Variants in SLC4A4 observed in about 807,000 individuals in gnomAD.
The protein encoded by SLC4A4 is electrogenic sodium bicarbonate cotransporter 1.
SLC4A4 carries 27 observed loss-of-function variants against 111.5 expected under a neutral mutation model. The observed-to-expected ratio is 0.24, with a 90% CI of 0.18 to 0.33. The LOEUF is 0.33. Among genes scored for constraint, SLC4A4 ranks in the 10% least tolerant of loss-of-function variants. SLC4A4 has a pLI of 1.00. For missense variants in SLC4A4, 909 were observed against 1,315.5 expected (o/e 0.69, Z 4.78); for synonymous variants, 443 against 463.4 (o/e 0.96, Z 0.57).
chr4:71,394,196 G>C (rs546671735), intron 6 of SLC4A4, among the ~76,000 whole-genome samples: 14 of 151,920 alleles, frequency 9.2e-5, no homozygotes, highest in Non-Finnish European at 1.9e-4. Flanking sequence ...CATAGCAAAA[G>C]AAACAGCAAA....
chr4:71,319,461 TGCTA>T (rs1726951290), intron 3 of SLC4A4, among the ~76,000 whole-genome samples: 1 of 152,056 alleles, frequency 6.6e-6, no homozygotes, highest in Non-Finnish European at 1.5e-5. Flanking sequence ...ATTTAAATAC[TGCTA>T]GTTAGTGCTC....
rs560899690 is a variant in SLC4A4, at chr4:71,233,292, T to G, written c.-1-3284T>G. On this transcript the variant is annotated intron_variant, in intron 1 of 25. Transcript: ENST00000264485. ...AAAGAGAACTACTGAATGCCTCCTC[T>G]GTGTCTGCTACTGTGTGTGGTATGT... is the stretch of plus-strand genomic sequence containing the variant. 21 of 985,388 alleles carry G rather than the reference T, an allele frequency of 2.1e-5. No homozygotes were observed. The African/African-American group carries it at 3.3e-4, about 16-fold the overall frequency. 61.0% of individuals were successfully genotyped at this position (985,388 alleles called of 1,614,324 possible). A position where few individuals can be genotyped will look rare whatever the true frequency, so the allele number is the denominator to read the frequency against.
At chr4:71,185,386 T>A (rs944511907), upstream of SLC4A4, among the ~76,000 whole-genome samples, 3 of 152,240 alleles carry the variant, frequency 2.0e-5, no homozygotes, top group African/African-American at 7.2e-5. Context: ...AAGTTAATTT[T>A]AACATTAGCC....
At chr4:71,345,036 C>T (rs1053335083) in intron 4 of SLC4A4, among the ~76,000 whole-genome samples, 2 of 152,134 alleles carry the variant, frequency 1.3e-5, no homozygotes, top group Non-Finnish European at 2.9e-5. Context: ...CTATCACCAT[C>T]CCTTTTACGT....
At chr4:71,114,759 A>G (rs1286783163) in intron 2 of SLC4A4, among the ~76,000 whole-genome samples, 20 of 131,672 alleles carry the variant, frequency 1.5e-4, no homozygotes, top group African/African-American at 4.3e-4. Flanking sequence ...TAGTTCAACC[A>G]TTGTGGAAGT....
At chr4:71,146,294 T>C (rs1025510492) in intron 2 of SLC4A4, among the ~76,000 whole-genome samples, 50 of 152,216 alleles carry the variant, frequency 3.3e-4, no homozygotes, top group African/African-American at 1.2e-3. Context: ...CTAGTTTGAT[T>C]GCACTGTGGT....
chr4:71,531,010 G>A (rs7683903), intron 16 of SLC4A4, among the ~76,000 whole-genome samples: 19,215 of 152,104 alleles, frequency 0.13, 1,343 homozygotes, highest in Middle Eastern at 0.23. Flanking sequence ...GACATGAATT[G>A]TATCGGTTTT....
At position 71,481,583 on chromosome 4, in the gene SLC4A4, T is replaced by G. The variant is rs866025570; in HGVS notation, c.1904-5365T>G. ...CTCATTAAACATGAAGAAGTCAGCT[T>G]AAATGCCTAGTGTTCCATTATTGGA... On this transcript the variant is annotated intron_variant, in intron 14 of 25. Coordinates refer to ENST00000264485, the MANE Select transcript of SLC4A4 (RefSeq NM_001098484.3). Among the ~76,000 whole-genome samples, 5 of 151,872 alleles carry G rather than the reference T, an allele frequency of 3.3e-5. No homozygotes were observed. In the Middle Eastern group the frequency reaches 0.01, roughly 310 times the overall value.
chr4:71,269,575 C>G (rs989675448), intron 3 of SLC4A4, among the ~76,000 whole-genome samples: 2 of 152,012 alleles, frequency 1.3e-5, no homozygotes, highest in African/African-American at 4.8e-5. Flanking sequence ...TATTGCATTG[C>G]GTGTCTTTGC....
At chr4:71,526,320 A>C (rs939000241) in intron 16 of SLC4A4, among the ~76,000 whole-genome samples, 4 of 152,040 alleles carry the variant, frequency 2.6e-5, no homozygotes, top group Non-Finnish European at 5.9e-5. Flanking sequence ...AATATTATAC[A>C]ATTTAAGGGG....
At chr4:71,385,060 C>A (rs1357066412) in intron 6 of SLC4A4, among the ~76,000 whole-genome samples, 1 of 150,524 alleles carries the variant, frequency 6.6e-6, no homozygotes, top group East Asian at 1.9e-4. Flanking sequence ...AAAAGAAAAA[C>A]TAAAAAAAGA....
At chr4:71,275,683 T>C (rs146115213) in intron 3 of SLC4A4, among the ~76,000 whole-genome samples, 2,793 of 152,352 alleles carry the variant, frequency 0.018, 91 homozygotes, top group African/African-American at 0.063. Flanking sequence ...TGAGGACAAG[T>C]GATTTGGCCA....
intron 3 of SLC4A4, among the ~76,000 whole-genome samples, chr4:71,273,247 A>G (rs956201380): frequency 2.0e-5 from 3 of 152,222 alleles, no homozygotes; most frequent in African/African-American, 7.2e-5. Flanking sequence ...CTCTACATAT[A>G]TAGTGGATCA....
At chr4:71,354,010 A>T (rs1250691787) in intron 5 of SLC4A4, among the ~76,000 whole-genome samples, 1 of 152,166 alleles carries the variant, frequency 6.6e-6, no homozygotes, top group Admixed American at 6.5e-5. Context: ...TTCACGAAGA[A>T]CCCCTTCTGA....
intron 3 of SLC4A4, among the ~76,000 whole-genome samples, chr4:71,285,246 C>T (rs1382614068): frequency 6.6e-6 from 1 of 151,968 alleles, no homozygotes; most frequent in Non-Finnish European, 1.5e-5. Flanking sequence ...GTCATTTAGT[C>T]AAAAAAGGAA....
chr4:71,522,476 C>G, intron 16 of SLC4A4, among the ~76,000 whole-genome samples: 1 of 152,264 alleles, frequency 6.6e-6, no homozygotes, highest in South Asian at 2.1e-4. Context: ...CAGAAAGCCA[C>G]AGATTTGTGG....
chr4:71,454,575 A>G (rs1726053601), intron 12 of SLC4A4, among the ~76,000 whole-genome samples: 1 of 151,884 alleles, frequency 6.6e-6, no homozygotes, highest in South Asian at 2.1e-4. Flanking sequence ...AGCTGATTCC[A>G]TAGGATTGCT....
intron 2 of SLC4A4, among the ~76,000 whole-genome samples, chr4:71,134,043 G>A (rs1288359767): frequency 3.3e-5 from 5 of 152,142 alleles, no homozygotes; most frequent in Admixed American, 3.3e-4. Flanking sequence ...TGCCAAGGAG[G>A]TGGGGAACTG....
intron 15 of SLC4A4, among the ~76,000 whole-genome samples, chr4:71,492,155 G>A (rs142564781): frequency 9.1e-4 from 137 of 150,668 alleles, no homozygotes; most frequent in Non-Finnish European, 1.3e-3. Context: ...TCTCCTTGAA[G>A]ATTACATATT....
Sources: allele counts gnomAD v4.1 joint callset (sites outside exome capture counted in the v4.1 genomes callset), GRCh38; gene constraint gnomAD v4.1.1; transcripts MANE v1.5; gene names NCBI Gene and HGNC (gene_info 2026-07-23, HGNC 2026-07-21).